The following PCDHGB3 variants were observed in gnomAD, a reference collection of about 807,000 sequenced individuals.
The protein encoded by PCDHGB3 is protocadherin gamma-B3.
In PCDHGB3, 40 loss-of-function variants were observed where a neutral mutation model predicts 59.2. The ratio of observed to expected loss-of-function variants is 0.68; its 90% CI spans 0.52 to 0.88. The LOEUF (loss-of-function observed/expected upper bound fraction) is 0.88, where lower values mean the gene tolerates loss of function less well. Among genes scored for constraint, PCDHGB3 ranks in the 40% least tolerant of loss-of-function variants. The probability of loss-of-function intolerance (pLI) is 0.00; values close to 1 mark genes in which losing one functional copy is unlikely to be tolerated. For missense variants in PCDHGB3, 1,309 were observed against 1,187.9 expected (o/e 1.10, Z -1.50); for synonymous variants, 581 against 503.6 (o/e 1.15, Z -2.06).
At chr5:141,408,271 T>C (rs948446189) in intron 1 of PCDHGB3, 7 of 1,610,858 alleles carry the variant, frequency 4.3e-6, no homozygotes, top group Non-Finnish European at 5.9e-6. Context: ...TGCTGCTGCC[T>C]TTGTTCTACC....
intron 1 of PCDHGB3, chr5:141,430,838 G>A (rs866767896): frequency 2.6e-6 from 4 of 1,562,908 alleles, no homozygotes; most frequent in Non-Finnish European, 3.5e-6. Context: ...GTGGGAGACC[G>A]GATGCACCCA....
Position 141,421,724 on chromosome 5 carries a change from A to G in PCDHGB3, c.2415+48915A>G, listed in dbSNP as rs541532003. On this transcript the variant is annotated intron_variant, in intron 1 of 3. Transcript: ENST00000576222. ...GCTAGGGATCCAGATGTGGGCGTGA[A>G]CTCCCTCCAGAGCTACCAGCTCAGC... 250 of 1,613,766 alleles carry G rather than the reference A, an allele frequency of 1.5e-4. 5 individuals are homozygous for G. The South Asian group carries it at 2.6e-3, about 17-fold the overall frequency.
chr5:141,467,506 G>A (rs1364362269), intron 1 of PCDHGB3, among the ~76,000 whole-genome samples: 1 of 152,094 alleles, frequency 6.6e-6, no homozygotes, highest in Non-Finnish European at 1.5e-5. Flanking sequence ...TGATCTAATT[G>A]GAGTTTATTC....
chr5:141,409,766 C>G, intron 1 of PCDHGB3: 1 of 1,612,910 alleles, frequency 6.2e-7, no homozygotes, highest in Non-Finnish European at 8.5e-7. Context: ...CGCCTTTGAT[C>G]ACGAGCAGCT....
intron 1 of PCDHGB3, chr5:141,399,646 AGT>A: frequency 6.2e-7 from 1 of 1,613,790 alleles, no homozygotes; most frequent in African/African-American, 1.3e-5. Context: ...GAGCGCGCAA[AGT>A]GGGGTGGTGT....
intron 1 of PCDHGB3, chr5:141,375,850 C>A (rs931838448): frequency 1.9e-6 from 3 of 1,614,070 alleles, no homozygotes; most frequent in East Asian, 2.2e-5. Context: ...ACCTGGTGAC[C>A]AAGGTGGTGG....
intron 1 of PCDHGB3, chr5:141,393,074 G>A (rs775449711): frequency 3.7e-6 from 6 of 1,613,710 alleles, no homozygotes; most frequent in Non-Finnish European, 5.1e-6. Context: ...TGATCACCGC[G>A]GGCAGGATAG....
intron 1 of PCDHGB3, chr5:141,402,800 C>T: frequency 1.9e-6 from 2 of 1,072,726 alleles, no homozygotes; most frequent in African/African-American, 1.6e-5. Flanking sequence ...ACACAAAACC[C>T]GGCAGATACC....
At chr5:141,395,424 T>C in intron 1 of PCDHGB3, 2 of 735,384 alleles carry the variant, frequency 2.7e-6, no homozygotes, top group Middle Eastern at 7.8e-4. Flanking sequence ...TTTCATTTGC[T>C]TTTAAACGAC....
rs1030573273 is a variant in PCDHGB3, at chr5:141,373,834, G to T, written c.2415+1025G>T. On this transcript the variant is annotated intron_variant, in intron 1 of 3. Coordinates refer to ENST00000576222, the MANE Select transcript of PCDHGB3 (RefSeq NM_018924.5). Reference sequence around the variant, plus strand: ...GTTTCACAAAACGATGCAGTATTAAGTTAGGACTCTAAGCGTCGCTGTTGA... The same window carrying T: ...GTTTCACAAAACGATGCAGTATTAATTTAGGACTCTAAGCGTCGCTGTTGA... The T allele has an allele frequency of 1.2e-5, 5 of 424,566 alleles. No individual in the cohort carries two copies. In the East Asian group the frequency reaches 1.8e-4, roughly 15 times the overall value. The allele number at this position is 424,566 out of a possible 1,614,324, so 26.3% of individuals were successfully genotyped here. A position where few individuals can be genotyped will look rare whatever the true frequency, so the allele number is the denominator to read the frequency against.
In PCDHGB3 at chr5:141,375,951, C is replaced by T. The variant is rs767101939; in HGVS notation, c.2415+3142C>T. 10 of 1,613,526 alleles carry T rather than the reference C, an allele frequency of 6.2e-6. No individual in the cohort carries two copies. The Admixed American group carries it at 1.5e-4, about 24-fold the overall frequency. ...GGACTTTTCTCAGTGGGCCTGCACA[C>T]GGGCGAGGTGCGCACGGCGCGCGCC... On this transcript the variant is annotated intron_variant, in intron 1 of 3. Transcript: ENST00000576222.
chr5:141,399,704 T>A, intron 1 of PCDHGB3: 1 of 1,613,424 alleles, frequency 6.2e-7, no homozygotes, highest in Non-Finnish European at 8.5e-7. Context: ...ACCTTCGAAC[T>A]CACACTACAG....
chr5:141,489,729 C>T lies in PCDHGB3; in HGVS notation c.2416-5078C>T, dbSNP rs760195181. ...ACAGTGCCCAGGATCCGGATGTGGGCACCAATACTGTGAGCTTTTACACTC... is the reference window on the plus strand; with the variant it reads ...ACAGTGCCCAGGATCCGGATGTGGGTACCAATACTGTGAGCTTTTACACTC... On this transcript the variant is annotated intron_variant, in intron 1 of 3. Transcript: ENST00000576222. The surrounding 1 kb of genome is among the most constrained non-coding windows in gnomAD (Gnocchi z 4.5). 2.5e-6 allele frequency: 4 copies of T among 1,614,152 alleles called. No individual in the cohort carries two copies. The highest frequency in any genetic ancestry group is 2.2e-5 in the East Asian group (1 of 44,876).
Position 141,450,830 on chromosome 5 carries a change from T to TTA in PCDHGB3, c.2416-43976_2416-43975insAT, listed in dbSNP as rs200967731. 4.3e-3 allele frequency among the ~76,000 whole-genome samples: 438 copies of TTA among 101,540 alleles called. 3 individuals carry two copies. Among genetic ancestry groups the TTA allele is most frequent in the African/African-American group, 0.015 (349 of 23,046 alleles). 66.6% of individuals were successfully genotyped at this position (101,540 alleles called of 152,430 possible). ...TATTTATTTAATATTATTATTATTA[T>TTA]TTTTTTTTTTTTGAGATGGGGTCTT... On this transcript the variant is annotated intron_variant, in intron 1 of 3. Transcript: ENST00000576222.
intron 3 of PCDHGB3, among the ~76,000 whole-genome samples, chr5:141,510,533 C>A (rs1366903068): frequency 6.6e-6 from 1 of 152,118 alleles, no homozygotes; most frequent in Non-Finnish European, 1.5e-5. Flanking sequence ...GAGAGAAATA[C>A]CAGCGAATGT....
chr5:141,374,409 T>C (rs1392651465), intron 1 of PCDHGB3: 24 of 1,613,920 alleles, frequency 1.5e-5, no homozygotes, highest in Non-Finnish European at 1.9e-5. Context: ...TTTAACATCC[T>C]TGTCGAGGAT....
chr5:141,426,909 G>A (rs1293364217), intron 1 of PCDHGB3: 1 of 456,744 alleles, frequency 2.2e-6, no homozygotes, highest in Non-Finnish European at 4.4e-6. Flanking sequence ...TCATCTCCTG[G>A]TCCTGGAAGC....
Position 141,394,654 on chromosome 5 carries a change from C to G in PCDHGB3, c.2415+21845C>G, listed in dbSNP as rs372355655. On this transcript the variant is annotated intron_variant, in intron 1 of 3. Transcript: ENST00000576222. Reference sequence around the variant, plus strand: ...TACCGCCTGCTCAAGGCCAGCGAGCCGGGACTCTTCTCGGTGGGTCTGCAC... The same window carrying G: ...TACCGCCTGCTCAAGGCCAGCGAGCGGGGACTCTTCTCGGTGGGTCTGCAC... 47 of 1,613,236 alleles carry G rather than the reference C, an allele frequency of 2.9e-5. No homozygotes were observed. The African/African-American group carries it at 5.7e-4, about 20-fold the overall frequency.
At chr5:141,414,476 C>T (rs1242647918) in intron 1 of PCDHGB3, 1 of 1,613,802 alleles carries the variant, frequency 6.2e-7, no homozygotes, top group African/African-American at 1.3e-5. Flanking sequence ...GGGGGAAGTC[C>T]TCCTCTATCA....
Sources: gnomAD v4.1 joint callset for allele counts (sites outside exome capture counted in the v4.1 genomes callset) on GRCh38, gnomAD v4.1.1 for gene constraint, Gnocchi (gnomAD v3.1) non-coding constraint, MANE v1.5 for transcripts, NCBI Gene and HGNC (gene_info 2026-07-23, HGNC 2026-07-21) for gene names.